PRKG1: variants seen among roughly 807,000 people sequenced by gnomAD.
PRKG1 encodes the protein protein kinase cGMP-dependent 1, also known as cGMP-dependent protein kinase 1.
Under a neutral mutation model 88.1 loss-of-function variants are expected in PRKG1, and 35 were observed. The observed-to-expected ratio is 0.40, with a 90% CI of 0.30 to 0.53. The LOEUF (loss-of-function observed/expected upper bound fraction) is 0.53. Among genes scored for constraint, PRKG1 ranks in the 20% least tolerant of loss-of-function variants. The pLI is 0.59. For synonymous variants in PRKG1, 303 were observed against 292.5 expected, an observed-to-expected ratio of 1.04 and a Z score of -0.37; for missense variants, 540 against 839.8, an observed-to-expected ratio of 0.64 and a Z score of 4.41.
intron 3 of PRKG1, among the ~76,000 whole-genome samples, chr10:51,652,189 A>T (rs191026780): frequency 1.3e-5 from 2 of 152,130 alleles, no homozygotes; most frequent in East Asian, 3.8e-4. Context: ...ACTATTATAT[A>T]TATTATACTA....
At chr10:51,869,378 A>T (rs10999849) in intron 4 of PRKG1, among the ~76,000 whole-genome samples, 9,990 of 151,640 alleles carry the variant, frequency 0.066, 540 homozygotes, top group Non-Finnish European at 0.091. Context: ...GCCATTCTGT[A>T]TAACTGCTGT....
At chr10:52,010,350 G>A (rs1399937607) in intron 5 of PRKG1, among the ~76,000 whole-genome samples, 1 of 151,942 alleles carries the variant, frequency 6.6e-6, no homozygotes, top group Non-Finnish European at 1.5e-5. Context: ...TTAAAAAGTG[G>A]GCAAAGGACA....
chr10:52,066,495 G>C (rs1846357608), intron 7 of PRKG1, among the ~76,000 whole-genome samples: 1 of 152,148 alleles, frequency 6.6e-6, no homozygotes, highest in South Asian at 2.1e-4. Flanking sequence ...CCTCTCGAAT[G>C]ATGTCCAATC....
intron 4 of PRKG1, among the ~76,000 whole-genome samples, chr10:51,885,027 T>C (rs1193835218): frequency 1.3e-5 from 2 of 152,298 alleles, no homozygotes; most frequent in African/African-American, 2.4e-5. Context: ...CTTGAAAGAA[T>C]CCTTCACTTT....
intron 2 of PRKG1, among the ~76,000 whole-genome samples, chr10:51,421,612 G>T (rs16917772): frequency 0.015 from 2,274 of 152,206 alleles, 46 homozygotes; most frequent in Admixed American, 0.049. Context: ...AACTGAACTC[G>T]CCTTTTTGTT....
At chr10:52,250,783 T>A (rs974223722) in intron 9 of PRKG1, among the ~76,000 whole-genome samples, 1 of 152,162 alleles carries the variant, frequency 6.6e-6, no homozygotes, top group Non-Finnish European at 1.5e-5. Flanking sequence ...ACTTGTCTCA[T>A]CAGGAGAAGC....
chr10:52,122,572 G>T (rs1847844790), intron 7 of PRKG1, among the ~76,000 whole-genome samples: 1 of 152,000 alleles, frequency 6.6e-6, no homozygotes, highest in Non-Finnish European at 1.5e-5. Flanking sequence ...GATATAAGAG[G>T]AATCTACTAA....
At chr10:51,925,121 T>C (rs575525952) in intron 5 of PRKG1, among the ~76,000 whole-genome samples, 9 of 152,198 alleles carry the variant, frequency 5.9e-5, no homozygotes, top group African/African-American at 2.2e-4. Context: ...CCTTTTACTA[T>C]GCCTCGTAAT....
chr10:51,417,595 A>G (rs544534391), intron 2 of PRKG1, among the ~76,000 whole-genome samples: 230 of 152,260 alleles, frequency 1.5e-3, no homozygotes, highest in Admixed American at 5.0e-3. Flanking sequence ...GAGTAAAGTG[A>G]AAAATTGTAG....
chr10:51,092,258 G>A (rs1360999021), intron 1 of PRKG1, among the ~76,000 whole-genome samples: 3 of 152,236 alleles, frequency 2.0e-5, no homozygotes, highest in East Asian at 1.9e-4. Context: ...ATAACTTTAC[G>A]GGCTTAGAGA....
intron 8 of PRKG1, among the ~76,000 whole-genome samples, chr10:52,150,568 T>C (rs1307194313): frequency 1.3e-5 from 2 of 152,200 alleles, no homozygotes; most frequent in African/African-American, 2.4e-5. Flanking sequence ...GATGCATTCA[T>C]TGGTAAGCTT....
chr10:51,244,135 G>C (rs551269753), intron 2 of PRKG1, among the ~76,000 whole-genome samples: 2 of 151,860 alleles, frequency 1.3e-5, no homozygotes, highest in African/African-American at 4.8e-5. Context: ...TCCCAAGAAG[G>C]AACAACATAA....
chr10:51,323,390 T>C (rs1303918230), intron 2 of PRKG1, among the ~76,000 whole-genome samples: 1 of 152,184 alleles, frequency 6.6e-6, no homozygotes, highest in Non-Finnish European at 1.5e-5. Context: ...TGGATAAAAG[T>C]GTAAGCTCCA....
At chr10:51,546,252 C>T (rs1415309052) in intron 3 of PRKG1, among the ~76,000 whole-genome samples, 4 of 151,898 alleles carry the variant, frequency 2.6e-5, no homozygotes, top group Admixed American at 6.6e-5. Flanking sequence ...TGTGTGTATG[C>T]GGTAAATATA....
chr10:51,005,864 TTCTC>T (rs1003919849), intron 1 of PRKG1, among the ~76,000 whole-genome samples: 2 of 152,186 alleles, frequency 1.3e-5, no homozygotes, highest in Non-Finnish European at 2.9e-5. Context: ...ACAAAAGCCT[TTCTC>T]TCCCCTCCTC....
chr10:51,251,799 G>T (rs556543084), intron 2 of PRKG1, among the ~76,000 whole-genome samples: 42 of 151,726 alleles, frequency 2.8e-4, no homozygotes, highest in Non-Finnish European at 5.3e-4. Flanking sequence ...AATGTGTACG[G>T]AAGTTTTGTG....
chr10:51,894,173 ATTATT>A, intron 4 of PRKG1, among the ~76,000 whole-genome samples: 1 of 152,338 alleles, frequency 6.6e-6, no homozygotes, highest in Non-Finnish European at 1.5e-5. Context: ...TGTTTTAGTG[ATTATT>A]TTAAGTTATC....
intron 5 of PRKG1, among the ~76,000 whole-genome samples, chr10:51,915,299 G>A (rs1293103597): frequency 6.6e-6 from 1 of 152,234 alleles, no homozygotes; most frequent in African/African-American, 2.4e-5. Flanking sequence ...AACATTATTA[G>A]TTCTCTTTGA....
chr10:51,626,605 T>G (rs1044406576), intron 3 of PRKG1, among the ~76,000 whole-genome samples: 8 of 152,188 alleles, frequency 5.3e-5, no homozygotes, highest in African/African-American at 1.9e-4. Context: ...ACTTTCATAT[T>G]TCTTCTGCTT....
Sources: gnomAD v4.1 joint callset for allele counts (sites outside exome capture counted in the v4.1 genomes callset) on GRCh38, gnomAD v4.1.1 for gene constraint, MANE v1.5 for transcripts, NCBI Gene and HGNC (gene_info 2026-07-23, HGNC 2026-07-21) for gene names.